The following PATJ variants were observed in gnomAD, a reference collection of about 807,000 sequenced individuals.
The protein encoded by PATJ is inaD-like protein.
PATJ carries 190 observed loss-of-function variants against 224.9 expected under a neutral mutation model. The ratio of observed to expected loss-of-function variants is 0.84; its 90% CI spans 0.75 to 0.95. The LOEUF (loss-of-function observed/expected upper bound fraction) is 0.95. Among genes scored for constraint, PATJ ranks in the 40% least tolerant of loss-of-function variants. PATJ has a pLI of 0.00. For missense variants in PATJ, 2,121 were observed against 2,270.3 expected (o/e 0.93, Z 1.34); for synonymous variants, 769 against 820.3 (o/e 0.94, Z 1.07).
chr1:61,930,774 C>A (rs1293047059), intron 27 of PATJ, among the ~76,000 whole-genome samples: 1 of 152,072 alleles, frequency 6.6e-6, no homozygotes, highest in African/African-American at 2.4e-5. Context: ...GTGGCATGAT[C>A]TCAGCTCACT....
chr1:61,910,599 T>C (rs1672493170), intron 25 of PATJ, among the ~76,000 whole-genome samples: 1 of 130,958 alleles, frequency 7.6e-6, no homozygotes, highest in South Asian at 2.7e-4. Flanking sequence ...CCAGGCTGAG[T>C]GCAGTGGCAC....
chr1:61,916,982 T>C (rs1029229794), intron 26 of PATJ, among the ~76,000 whole-genome samples: 2 of 152,124 alleles, frequency 1.3e-5, no homozygotes, highest in African/African-American at 4.8e-5. Context: ...GTCTGGAAAA[T>C]ACCTTAAACA....
chr1:61,971,914 G>T (rs1360663906), intron 27 of PATJ, among the ~76,000 whole-genome samples: 1 of 150,254 alleles, frequency 6.7e-6, no homozygotes, highest in Non-Finnish European at 1.5e-5. Flanking sequence ...ACTTGAACAC[G>T]GGAGGTTGAG....
chr1:61,760,602 C>CTTTTCT (rs1353577948), intron 1 of PATJ, among the ~76,000 whole-genome samples: 11 of 147,322 alleles, frequency 7.5e-5, no homozygotes, highest in Non-Finnish European at 1.6e-4. Context: ...TTTCTTTTTT[C>CTTTTCT]TTTTCTTTTT....
chr1:62,053,760 A>C (rs1469822413), intron 31 of PATJ, among the ~76,000 whole-genome samples: 2 of 152,162 alleles, frequency 1.3e-5, no homozygotes, highest in African/African-American at 2.4e-5. Context: ...TGACCTCACC[A>C]AACCTCAGTT....
At chr1:62,099,358 T>C (rs1240932993) in intron 33 of PATJ, among the ~76,000 whole-genome samples, 1 of 145,550 alleles carries the variant, frequency 6.9e-6, no homozygotes, top group Non-Finnish European at 1.5e-5. Context: ...TTTTTTTTTT[T>C]TTTTTTTTTT....
intron 31 of PATJ, among the ~76,000 whole-genome samples, chr1:62,072,293 T>G (rs1657555059): frequency 6.6e-6 from 1 of 152,208 alleles, no homozygotes; most frequent in Admixed American, 6.5e-5. Context: ...GTGGTTTTTT[T>G]TGTTTTTGTT....
chr1:61,931,107 G>A (rs1675966325), intron 27 of PATJ, among the ~76,000 whole-genome samples: 1 of 152,164 alleles, frequency 6.6e-6, no homozygotes, highest in Non-Finnish European at 1.5e-5. Context: ...GGGATTATAG[G>A]CGTGAGCCAT....
intron 20 of PATJ, among the ~76,000 whole-genome samples, chr1:61,868,283 C>T (rs1362854572): frequency 6.6e-6 from 1 of 152,224 alleles, no homozygotes; most frequent in East Asian, 1.9e-4. Context: ...AAACTCTACT[C>T]ATTAAACAAT....
At chr1:62,051,297 T>TTTTTTG (rs957817653) in intron 31 of PATJ, among the ~76,000 whole-genome samples, 24 of 152,070 alleles carry the variant, frequency 1.6e-4, no homozygotes, top group Non-Finnish European at 2.6e-4. Context: ...TCTCCTCTTT[T>TTTTTTG]TTTTTGTTTT....
intron 42 of PATJ, among the ~76,000 whole-genome samples, chr1:62,151,505 G>A (rs1668630700): frequency 6.6e-6 from 1 of 151,854 alleles, no homozygotes; most frequent in Admixed American, 6.6e-5. Context: ...GCAGGAGAAT[G>A]GCATAAACCC....
chr1:62,116,160 A>G (rs1664422598), intron 35 of PATJ, among the ~76,000 whole-genome samples: 1 of 152,186 alleles, frequency 6.6e-6, no homozygotes, highest in Non-Finnish European at 1.5e-5. Flanking sequence ...AAAGGATGAG[A>G]TGTATAGTTC....
In PATJ at chr1:61,943,236, G is replaced by A. The variant is rs779298078; in HGVS notation, c.3670+15407G>A. Among the ~76,000 whole-genome samples, 9 of 152,284 alleles carry A rather than the reference G, an allele frequency of 5.9e-5. No homozygotes were observed. The East Asian group carries it at 1.2e-3, about 20-fold the overall frequency. ...TTTCTGCATTTCCAACTGTGGTACC[G>A]GGTTCATCTCACAGGGGCTTGTCAG... is the stretch of plus-strand genomic sequence containing the variant. On this transcript the variant is annotated intron_variant, in intron 27 of 43. Transcript: ENST00000642238.
chr1:61,787,887 C>T lies in PATJ; in HGVS notation c.983C>T (p.Pro328Leu), dbSNP rs372064967. 1 of 1,613,994 alleles carries T rather than the reference C, an allele frequency of 6.2e-7. No homozygotes were observed. The highest frequency in any genetic ancestry group is 1.3e-5 in the African/African-American group (1 of 74,904). Reference sequence around the variant, plus strand: ...GTCAGGATGCTCGTTGCTAGAGATCCAGCTGGTGACATTTCAGTCACCCCC... The same window carrying T: ...GTCAGGATGCTCGTTGCTAGAGATCTAGCTGGTGACATTTCAGTCACCCCC... ...NSVRMLVARD[P>L]AGDISVTPPA... Residue 328 changes from proline to leucine, a missense_variant, in exon 8 of 44, where the codon CCA (proline) becomes CTA (leucine). Transcript: ENST00000642238.
chr1:61,950,776 G>T (rs1679543160), intron 27 of PATJ, among the ~76,000 whole-genome samples: 1 of 152,076 alleles, frequency 6.6e-6, no homozygotes, highest in African/African-American at 2.4e-5. Flanking sequence ...AGAAATAAAG[G>T]CTGATTTCAT....
chr1:62,068,827 A>C (rs1028905814), intron 31 of PATJ, among the ~76,000 whole-genome samples: 8 of 152,190 alleles, frequency 5.3e-5, no homozygotes, highest in Admixed American at 4.6e-4. Context: ...TTATAGCATC[A>C]TGCTGCCAGA....
chr1:62,035,481 A>C (rs2148498679), intron 29 of PATJ, among the ~76,000 whole-genome samples: 1 of 152,210 alleles, frequency 6.6e-6, no homozygotes. Flanking sequence ...AGAAACTGAG[A>C]CTCTGAGAAG....
chr1:61,759,625 C>G (rs1262314756), intron 1 of PATJ, among the ~76,000 whole-genome samples: 1 of 152,212 alleles, frequency 6.6e-6, no homozygotes, highest in Non-Finnish European at 1.5e-5. Context: ...TCAGGCTGGT[C>G]TCGAGCTCCT....
chr1:61,914,805 C>A (rs546626276), intron 26 of PATJ, 141 bp downstream of exon 26: 28 of 452,568 alleles, frequency 6.2e-5, no homozygotes, highest in South Asian at 1.0e-4. Flanking sequence ...TTTTTCCCTG[C>A]AAATATGACT....
Sources: allele counts gnomAD v4.1 joint callset (sites outside exome capture counted in the v4.1 genomes callset), GRCh38; gene constraint gnomAD v4.1.1; transcripts MANE v1.5; gene names NCBI Gene and HGNC (gene_info 2026-07-23, HGNC 2026-07-21).